Variants in FAM120A observed in about 807,000 individuals in gnomAD.
FAM120A encodes the protein family with sequence similarity 120 member A, also known as constitutive coactivator of PPAR-gamma-like protein 1.
A neutral mutation model predicts 109.7 loss-of-function variants in FAM120A; 15 were observed. The ratio of observed to expected loss-of-function variants is 0.14; its 90% CI spans 0.09 to 0.21. FAM120A has a LOEUF of 0.21. Ranked by LOEUF, FAM120A falls within the 10% of genes least tolerant of loss-of-function variation. FAM120A has a pLI of 1.00. For synonymous variants in FAM120A, 493 were observed against 572.8 expected (o/e 0.86, Z 1.99); for missense variants, 899 against 1,439.3 (o/e 0.62, Z 6.07).
intron 2 of FAM120A, among the ~76,000 whole-genome samples, chr9:93,474,870 G>C (rs762214816): frequency 6.6e-6 from 1 of 152,232 alleles, no homozygotes; most frequent in Non-Finnish European, 1.5e-5. Context: ...TGGGATTATA[G>C]GTGTGAGCCA....
intron 12 of FAM120A, among the ~76,000 whole-genome samples, chr9:93,552,463 AAT>A (rs1339803039): frequency 6.6e-6 from 1 of 152,198 alleles, no homozygotes; most frequent in Non-Finnish European, 1.5e-5. Context: ...AGTTCCCTTT[AAT>A]AAGAGCAGCC....
At chr9:93,555,182 A>G (rs948121305) in intron 12 of FAM120A, among the ~76,000 whole-genome samples, 2 of 151,754 alleles carry the variant, frequency 1.3e-5, no homozygotes, top group Non-Finnish European at 2.9e-5. Context: ...CCCCAAGGGA[A>G]CATTTTTTAG....
intron 5 of FAM120A, among the ~76,000 whole-genome samples, chr9:93,509,244 G>T (rs1284201571): frequency 6.6e-6 from 1 of 152,270 alleles, no homozygotes; most frequent in Non-Finnish European, 1.5e-5. Flanking sequence ...GACCCACCTG[G>T]ACCCACCCAG....
chr9:93,480,924 G>A (rs1256885652), intron 3 of FAM120A, among the ~76,000 whole-genome samples: 1 of 152,250 alleles, frequency 6.6e-6, no homozygotes, highest in African/African-American at 2.4e-5. Flanking sequence ...GTGGCTGGCA[G>A]TGTTGCATGA....
intron 4 of FAM120A, among the ~76,000 whole-genome samples, chr9:93,497,882 T>C (rs1020989264): frequency 2.0e-5 from 3 of 152,254 alleles, no homozygotes; most frequent in Non-Finnish European, 4.4e-5. Context: ...GGTCTCCTGC[T>C]CATAAGTTCT....
At chr9:93,494,205 C>T (rs4744247) in intron 3 of FAM120A, among the ~76,000 whole-genome samples, 42,567 of 152,134 alleles carry the variant, frequency 0.28, 7,056 homozygotes, top group East Asian at 0.44. Context: ...TCTCGCCAAT[C>T]GGACTTTGGA....
intron 3 of FAM120A, among the ~76,000 whole-genome samples, chr9:93,491,622 C>T (rs1859324862): frequency 6.6e-6 from 1 of 152,042 alleles, no homozygotes; most frequent in Non-Finnish European, 1.5e-5. Flanking sequence ...AGGTCTTTTC[C>T]AGCCCTAAAT....
intron 1 of FAM120A, among the ~76,000 whole-genome samples, chr9:93,458,812 A>G (rs1329341056): frequency 1.3e-5 from 2 of 152,180 alleles, no homozygotes; most frequent in African/African-American, 4.8e-5. Context: ...TTGGCAGGGT[A>G]GACGGCCACA....
intron 3 of FAM120A, among the ~76,000 whole-genome samples, chr9:93,492,495 A>G (rs1859370869): frequency 6.6e-6 from 1 of 152,162 alleles, no homozygotes; most frequent in Admixed American, 6.5e-5. Flanking sequence ...CCCTTAGGAC[A>G]GCACCTCTGA....
chr9:93,531,306 A>G (rs1391773062), intron 9 of FAM120A: 1 of 152,232 alleles, frequency 6.6e-6, no homozygotes, highest in Non-Finnish European at 1.5e-5. Flanking sequence ...AATATTACAA[A>G]ATTATTATTT....
At chr9:93,556,642 A>G (rs1862290976) in intron 13 of FAM120A, 51 bp downstream of exon 13, 2 of 1,522,384 alleles carry the variant, frequency 1.3e-6, no homozygotes, top group Non-Finnish European at 9.1e-7. Flanking sequence ...AATAAAGCTC[A>G]CTGGTTAAAT....
intron 5 of FAM120A, among the ~76,000 whole-genome samples, chr9:93,510,720 G>A (rs1311450135): frequency 6.6e-6 from 1 of 151,896 alleles, no homozygotes; most frequent in Admixed American, 6.6e-5. Context: ...CCCCAGTGTC[G>A]GGATTGTAGT....
intron 11 of FAM120A, among the ~76,000 whole-genome samples, chr9:93,546,957 G>A (rs1177561941): frequency 6.6e-6 from 1 of 152,202 alleles, no homozygotes; most frequent in Non-Finnish European, 1.5e-5. Context: ...GCTTTTACTA[G>A]TGATGTTAAC....
At chr9:93,564,109 C>G (rs1380456829) in intron 17 of FAM120A, 120 bp from the exon 18 acceptor site, 15 of 982,646 alleles carry the variant, frequency 1.5e-5, no homozygotes, top group Non-Finnish European at 2.2e-5. Context: ...GTTAGAAGGA[C>G]CCAGCTGGGC....
rs777181196 is a variant in FAM120A at position 93,498,901 on chromosome 9, G to C, written c.1030+15G>C. The C allele has an allele frequency of 7.1e-7, 1 of 1,403,406 alleles. No homozygotes were observed. Among genetic ancestry groups the C allele is most frequent in the Admixed American group, 1.7e-5 (1 of 59,544 alleles). 86.9% of individuals were successfully genotyped at this position (1,403,406 alleles called of 1,614,324 possible). ...ACATTACTTAGGTAAGTAAATAAAA[G>C]CCTGTGATCAATATTGACCATATGA... is the stretch of plus-strand genomic sequence containing the variant. On this transcript the variant is annotated intron_variant, in intron 5 of 17. Transcript: ENST00000277165. This position sits in a 1 kb window ranked among gnomAD's most constrained non-coding sequence, Gnocchi z 4.4.
intron 3 of FAM120A, among the ~76,000 whole-genome samples, chr9:93,491,651 A>C (rs1859326364): frequency 6.6e-6 from 1 of 152,212 alleles, no homozygotes; most frequent in African/African-American, 2.4e-5. Flanking sequence ...TGACCTACAA[A>C]GCAGGTAAAA....
intron 9 of FAM120A, chr9:93,531,375 C>T (rs1196423016): frequency 1.3e-5 from 2 of 152,138 alleles, no homozygotes; most frequent in Non-Finnish European, 2.9e-5. Flanking sequence ...TTGTTGTGCT[C>T]TGAGTATAAT....
chr9:93,487,144 A>G (rs1397584675), intron 3 of FAM120A, among the ~76,000 whole-genome samples: 2 of 151,652 alleles, frequency 1.3e-5, no homozygotes, highest in African/African-American at 2.4e-5. Context: ...TTGTCTTTTC[A>G]TCATTGAGTT....
intron 1 of FAM120A, among the ~76,000 whole-genome samples, chr9:93,457,802 CTTTT>C (rs34188475): frequency 6.8e-6 from 1 of 146,062 alleles, no homozygotes; most frequent in Non-Finnish European, 1.5e-5. Context: ...AAATCTCTTC[CTTTT>C]TTTTTTTTTT....
Sources: gnomAD v4.1 joint callset for allele counts (sites outside exome capture counted in the v4.1 genomes callset) on GRCh38, gnomAD v4.1.1 for gene constraint, Gnocchi (gnomAD v3.1) non-coding constraint, MANE v1.5 for transcripts, NCBI Gene and HGNC (gene_info 2026-07-23, HGNC 2026-07-21) for gene names.